Variants in ROR1 observed in about 807,000 individuals in gnomAD.
ROR1 encodes the protein inactive tyrosine-protein kinase transmembrane receptor ROR1.
A neutral mutation model predicts 78.8 loss-of-function variants in ROR1; 19 were observed. That is an observed-to-expected ratio of 0.24 (90% CI 0.17 to 0.35). The LOEUF (loss-of-function observed/expected upper bound fraction) is 0.35, where lower values mean the gene tolerates loss of function less well. Among genes scored for constraint, ROR1 ranks in the 10% least tolerant of loss-of-function variants. The pLI is 1.00. For missense variants in ROR1, 917 were observed against 1,177.8 expected, an observed-to-expected ratio of 0.78 and a Z score of 3.24; for synonymous variants, 386 against 433.6, an observed-to-expected ratio of 0.89 and a Z score of 1.36.
intron 4 of ROR1, among the ~76,000 whole-genome samples, chr1:64,060,534 T>A (rs978337834): frequency 9.2e-5 from 14 of 152,172 alleles, no homozygotes; most frequent in African/African-American, 3.4e-4. Context: ...TGTAGCTGGG[T>A]GCTAGCCCAA....
chr1:64,040,519 T>G (rs540925091), intron 2 of ROR1, among the ~76,000 whole-genome samples: 7 of 152,332 alleles, frequency 4.6e-5, no homozygotes, highest in African/African-American at 1.7e-4. Flanking sequence ...TCTGTTCAGC[T>G]GCTATAATAA....
intron 1 of ROR1, among the ~76,000 whole-genome samples, chr1:63,961,664 C>T (rs6681509): frequency 0.27 from 40,586 of 152,004 alleles, 6,986 homozygotes; most frequent in African/African-American, 0.49. Context: ...AGAGTAGAAT[C>T]GTGGTTACCA....
In ROR1 at chr1:63,888,037, C is replaced by T. The variant is rs567610422; in HGVS notation, c.91+113529C>T. On this transcript the variant is annotated intron_variant, in intron 1 of 8. Transcript: ENST00000371079. The stretch of plus-strand genomic sequence containing the variant: ...GTCAGTCATAATTCAAATCAGGAGC[C>T]TTTGTGTCCAGGGCTTTAACCTAGA... Among the ~76,000 whole-genome samples the T allele has an allele frequency of 1.0e-3, 158 of 152,210 alleles. 1 individual carries two copies. Among genetic ancestry groups the T allele is most frequent in the South Asian group, 2.3e-3 (11 of 4,810 alleles).
intron 1 of ROR1, among the ~76,000 whole-genome samples, chr1:63,827,508 G>A (rs1243945842): frequency 2.6e-5 from 4 of 152,262 alleles, no homozygotes; most frequent in East Asian, 3.9e-4. Context: ...AGGGGAGATG[G>A]CAATGCTGAC....
intron 4 of ROR1, among the ~76,000 whole-genome samples, chr1:64,059,204 A>C (rs1333742656): frequency 1.3e-5 from 2 of 151,580 alleles, no homozygotes; most frequent in Admixed American, 1.3e-4. Flanking sequence ...TTCCTTTGTC[A>C]GACTAGCTAG....
intron 1 of ROR1, among the ~76,000 whole-genome samples, chr1:63,775,042 C>G (rs183066709): frequency 6.7e-4 from 102 of 152,214 alleles, no homozygotes; most frequent in African/African-American, 2.4e-3. Context: ...GCATCGCCAC[C>G]GCCCCCGGCC....
chr1:63,954,402 CT>C (rs1184543271), intron 1 of ROR1, among the ~76,000 whole-genome samples: 1 of 152,198 alleles, frequency 6.6e-6, no homozygotes, highest in Non-Finnish European at 1.5e-5. Context: ...ACAATGTATA[CT>C]TTATTCCAAG....
Position 64,014,740 on chromosome 1 carries a change from C to CTATATATATATATA in ROR1, c.163+5385_163+5398dup, listed in dbSNP as rs1208813882. On this transcript the variant is annotated intron_variant, in intron 2 of 8. Coordinates refer to ENST00000371079, the MANE Select transcript of ROR1 (RefSeq NM_005012.4). ...ATATATATATATACACATACGCACACTATATATATATATATATATATATAT... is the reference window on the plus strand; with the variant it reads ...ATATATATATATACACATACGCACACTATATATATATATATATATATATATATATATATATATAT... Among the ~76,000 whole-genome samples the CTATATATATATATA allele has an allele frequency of 6.8e-3, 198 of 29,000 alleles. 8 individuals carry two copies. Among genetic ancestry groups the CTATATATATATATA allele is most frequent in the African/African-American group, 0.017 (155 of 8,950 alleles). 19.0% of individuals were successfully genotyped at this position (29,000 alleles called of 152,430 possible).
intron 1 of ROR1, among the ~76,000 whole-genome samples, chr1:63,997,309 T>G (rs1646345085): frequency 6.6e-6 from 1 of 152,212 alleles, no homozygotes. Flanking sequence ...TACACACTGC[T>G]TTTTGCAGGA....
At chr1:63,951,889 G>A (rs543483092) in intron 1 of ROR1, among the ~76,000 whole-genome samples, 3 of 151,556 alleles carry the variant, frequency 2.0e-5, no homozygotes, top group East Asian at 2.0e-4. Flanking sequence ...TGGTGTAGAC[G>A]AGCTGTGCTT....
At chr1:63,827,074 T>C (rs1644958350) in intron 1 of ROR1, among the ~76,000 whole-genome samples, 2 of 152,146 alleles carry the variant, frequency 1.3e-5, no homozygotes, top group South Asian at 4.1e-4. Flanking sequence ...TAATGGTTGC[T>C]GGCTGCATGT....
intron 1 of ROR1, among the ~76,000 whole-genome samples, chr1:63,923,414 A>G (rs1645674023): frequency 6.6e-6 from 1 of 152,036 alleles, no homozygotes; most frequent in African/African-American, 2.4e-5. Flanking sequence ...TGTGAGGGTT[A>G]ATTGAGCCAG....
Position 64,077,035 on chromosome 1 carries a change from A to G in ROR1, c.482+26319A>G, listed in dbSNP as rs564293556. Among the ~76,000 whole-genome samples, 128 of 152,324 alleles carry G rather than the reference A, an allele frequency of 8.4e-4. 1 individual carries two copies. The highest frequency in any genetic ancestry group is 1.3e-3 in the Non-Finnish European group (88 of 68,022). On this transcript the variant is annotated intron_variant, in intron 4 of 8. Coordinates refer to ENST00000371079, the MANE Select transcript of ROR1 (RefSeq NM_005012.4). Reference sequence around the variant, plus strand: ...TGAGCCTCAGTTTCCTCATATAGAAAAAATATACCCTCCTCATATGGCTGT... The same window carrying G: ...TGAGCCTCAGTTTCCTCATATAGAAGAAATATACCCTCCTCATATGGCTGT...
chr1:63,860,223 T>C (rs1242020577), intron 1 of ROR1, among the ~76,000 whole-genome samples: 2 of 152,180 alleles, frequency 1.3e-5, no homozygotes, highest in East Asian at 3.8e-4. Context: ...GTAATATATA[T>C]TGTAGCTGTT....
At chr1:64,128,757 G>A (rs1303708030) in intron 4 of ROR1, among the ~76,000 whole-genome samples, 1 of 152,078 alleles carries the variant, frequency 6.6e-6, no homozygotes, top group Non-Finnish European at 1.5e-5. Context: ...TACAGAGTAT[G>A]CCTGATGAGA....
chr1:63,835,946 T>G (rs1569792076), intron 1 of ROR1, among the ~76,000 whole-genome samples: 1 of 152,144 alleles, frequency 6.6e-6, no homozygotes, highest in South Asian at 2.1e-4. Context: ...CACAGAAACT[T>G]TAATTTGTGT....
At chr1:63,857,226 A>T (rs942955029) in intron 1 of ROR1, among the ~76,000 whole-genome samples, 1 of 151,964 alleles carries the variant, frequency 6.6e-6, no homozygotes, top group Non-Finnish European at 1.5e-5. Flanking sequence ...ATCTCTCTTA[A>T]ATTTCTAGAT....
intron 1 of ROR1, among the ~76,000 whole-genome samples, chr1:64,001,984 G>T (rs2100533811): frequency 6.6e-6 from 1 of 152,206 alleles, no homozygotes; most frequent in East Asian, 1.9e-4. Context: ...TCGTTGTGGT[G>T]GGGGTGGTGG....
intron 4 of ROR1, among the ~76,000 whole-genome samples, chr1:64,087,740 G>T (rs1647165646): frequency 6.6e-6 from 1 of 152,138 alleles, no homozygotes; most frequent in Non-Finnish European, 1.5e-5. Flanking sequence ...AAGAGTTTTT[G>T]AAAATGAAAA....
Sources: allele counts gnomAD v4.1 joint callset (sites outside exome capture counted in the v4.1 genomes callset), GRCh38; gene constraint gnomAD v4.1.1; transcripts MANE v1.5; gene names NCBI Gene and HGNC (gene_info 2026-07-23, HGNC 2026-07-21).